Variants in THSD4 observed in about 807,000 individuals in gnomAD.
The protein encoded by THSD4 is thrombospondin type 1 domain containing 4, also known as thrombospondin type-1 domain-containing protein 4.
A neutral mutation model predicts 119.0 loss-of-function variants in THSD4; 69 were observed. The ratio of observed to expected loss-of-function variants is 0.58; its 90% CI spans 0.48 to 0.71. THSD4 has a LOEUF of 0.71. THSD4 is among the 30% of genes least tolerant of loss of function. The pLI is 0.00. For missense variants in THSD4, 1,393 were observed against 1,391.1 expected (o/e 1.00, Z -0.02); for synonymous variants, 524 against 540.4 (o/e 0.97, Z 0.42).
intron 6 of THSD4, among the ~76,000 whole-genome samples, chr15:71,377,861 A>C (rs1319558565): frequency 9.6e-6 from 1 of 103,814 alleles, no homozygotes; most frequent in African/African-American, 3.3e-5. Context: ...TCCCGGACAT[A>C]TCCACAACAC....
chr15:71,723,340 G>T (rs1049441845), intron 8 of THSD4, among the ~76,000 whole-genome samples: 5 of 152,150 alleles, frequency 3.3e-5, no homozygotes, highest in Non-Finnish European at 7.4e-5. Context: ...TAAAATGTTT[G>T]CTAATTTGGA....
At chr15:71,140,054 T>G (rs982324147) in intron 1 of THSD4, among the ~76,000 whole-genome samples, 1 of 152,278 alleles carries the variant, frequency 6.6e-6, no homozygotes, top group Non-Finnish European at 1.5e-5. Context: ...GGCTTCTGAA[T>G]GAAGTAGTAT....
At chr15:71,404,220 G>C (rs992682557) in intron 6 of THSD4, among the ~76,000 whole-genome samples, 4 of 152,144 alleles carry the variant, frequency 2.6e-5, no homozygotes, top group Non-Finnish European at 5.9e-5. Context: ...GAAGGAAGCT[G>C]ATACCTATTA....
At chr15:71,169,285 T>A (rs2043328630) in intron 3 of THSD4, among the ~76,000 whole-genome samples, 1 of 152,174 alleles carries the variant, frequency 6.6e-6, no homozygotes, top group African/African-American at 2.4e-5. Flanking sequence ...ACTACCAGTG[T>A]TGGTGAGGAT....
rs140063837 is a variant in THSD4 at position 71,601,154 on chromosome 15, G to A, written c.1153-59376G>A. On this transcript the variant is annotated intron_variant, in intron 7 of 17. Transcript: ENST00000261862. Reference sequence around the variant, plus strand: ...GATAAAATGAGTGCATGTTGGAAGCGAGATTTGAGTCCAGGCTCATGTGAT... The same window carrying A: ...GATAAAATGAGTGCATGTTGGAAGCAAGATTTGAGTCCAGGCTCATGTGAT... Among the ~76,000 whole-genome samples the A allele has an allele frequency of 5.3e-3, 813 of 152,292 alleles. 6 individuals carry two copies. The highest frequency in any genetic ancestry group is 0.018 in the African/African-American group (746 of 41,558).
intron 11 of THSD4, among the ~76,000 whole-genome samples, chr15:71,738,946 T>C (rs944402461): frequency 6.6e-6 from 1 of 152,080 alleles, no homozygotes; most frequent in Non-Finnish European, 1.5e-5. Context: ...ATGTGCAGGG[T>C]TTGAGCAACT....
intron 6 of THSD4, among the ~76,000 whole-genome samples, chr15:71,394,853 T>C (rs1358551417): frequency 2.0e-5 from 3 of 152,202 alleles, no homozygotes; most frequent in African/African-American, 7.2e-5. Context: ...ATAAAATTAA[T>C]GTGAGTCCCT....
chr15:71,502,077 C>T (rs2048120232), intron 7 of THSD4, among the ~76,000 whole-genome samples: 1 of 152,186 alleles, frequency 6.6e-6, no homozygotes, highest in African/African-American at 2.4e-5. Context: ...ATACTGATCT[C>T]ATAGAGAAAT....
rs1491158057 is a variant in THSD4 at position 71,409,155 on chromosome 15, T to TTC, written c.1016-2532_1016-2531insTC. 3.4e-5 allele frequency among the ~76,000 whole-genome samples: 5 copies of TTC among 145,110 alleles called. No individual in the cohort carries two copies. The South Asian group carries it at 6.7e-4, about 19-fold the overall frequency. ...TTGTCTCACGTTTAGCTTTTTTTTTTCCCCCCCCCTCAGAATGTTCTTCTG... is the reference window on the plus strand; with the variant it reads ...TTGTCTCACGTTTAGCTTTTTTTTTTTCCCCCCCCCCTCAGAATGTTCTTCTG... On this transcript the variant is annotated intron_variant, in intron 6 of 17. Coordinates refer to ENST00000261862, the MANE Select transcript of THSD4 (RefSeq NM_024817.3).
chr15:71,309,218 A>G (rs2045077565), intron 6 of THSD4, among the ~76,000 whole-genome samples: 1 of 152,148 alleles, frequency 6.6e-6, no homozygotes, highest in Non-Finnish European at 1.5e-5. Context: ...CCAAATTGCT[A>G]GGATTACAGG....
At chr15:71,556,474 T>C (rs1198931661) in intron 7 of THSD4, among the ~76,000 whole-genome samples, 1 of 152,066 alleles carries the variant, frequency 6.6e-6, no homozygotes, top group Non-Finnish European at 1.5e-5. Context: ...CATCTGGCCA[T>C]GGTGGCTCAT....
At chr15:71,517,703 T>C (rs2048380743) in intron 7 of THSD4, among the ~76,000 whole-genome samples, 1 of 152,192 alleles carries the variant, frequency 6.6e-6, no homozygotes, top group Admixed American at 6.5e-5. Context: ...TGTAAAACCA[T>C]AACAAACTAA....
chr15:71,517,396 C>A (rs1478117297), intron 7 of THSD4, among the ~76,000 whole-genome samples: 1 of 152,172 alleles, frequency 6.6e-6, no homozygotes, highest in African/African-American at 2.4e-5. Flanking sequence ...ACCTGTGTGT[C>A]CTAACCTCAC....
chr15:71,583,226 T>A (rs571390099), intron 7 of THSD4, among the ~76,000 whole-genome samples: 15 of 152,252 alleles, frequency 9.9e-5, no homozygotes, highest in Admixed American at 1.3e-4. Flanking sequence ...AGTAGTCTCT[T>A]AGGATCCTTT....
At chr15:71,566,339 A>G (rs1236944068) in intron 7 of THSD4, among the ~76,000 whole-genome samples, 2 of 152,148 alleles carry the variant, frequency 1.3e-5, no homozygotes, top group African/African-American at 2.4e-5. Context: ...GGTCAGAGGC[A>G]ATGTCCATGT....
chr15:71,723,232 G>A (rs1203255592), intron 8 of THSD4, among the ~76,000 whole-genome samples: 2 of 152,084 alleles, frequency 1.3e-5, no homozygotes, highest in African/African-American at 4.8e-5. Context: ...TAATCAAATT[G>A]CCCTCCAATA....
intron 1 of THSD4, among the ~76,000 whole-genome samples, chr15:71,130,946 G>A (rs539217929): frequency 1.3e-5 from 2 of 151,888 alleles, no homozygotes; most frequent in Admixed American, 6.6e-5. Context: ...GGGTTTCACC[G>A]TGTTAGCCAG....
At chr15:71,642,565 G>T (rs1369599196) in intron 7 of THSD4, among the ~76,000 whole-genome samples, 1 of 152,150 alleles carries the variant, frequency 6.6e-6, no homozygotes, top group Non-Finnish European at 1.5e-5. Flanking sequence ...GTCCAACAAT[G>T]ATAGACTGGA....
At chr15:71,713,893 A>G (rs943150925) in intron 8 of THSD4, among the ~76,000 whole-genome samples, 4 of 152,140 alleles carry the variant, frequency 2.6e-5, no homozygotes, top group African/African-American at 4.8e-5. Context: ...GTACTGGACA[A>G]TGTTTCAGAA....
Sources: allele counts gnomAD v4.1 joint callset (sites outside exome capture counted in the v4.1 genomes callset), GRCh38; gene constraint gnomAD v4.1.1; transcripts MANE v1.5; gene names NCBI Gene and HGNC (gene_info 2026-07-23, HGNC 2026-07-21).